ARHGAP24: variants seen among roughly 807,000 people sequenced by gnomAD.
ARHGAP24 encodes rho GTPase-activating protein 24.
Under a neutral mutation model 76.4 loss-of-function variants are expected in ARHGAP24, and 50 were observed. The ratio of observed to expected loss-of-function variants is 0.65; its 90% CI spans 0.52 to 0.83. The LOEUF is 0.83. Ranked by LOEUF, ARHGAP24 falls within the 40% of genes least tolerant of loss-of-function variation. The pLI is 0.00. For missense variants in ARHGAP24, 930 were observed against 914.2 expected (o/e 1.02, Z -0.22); for synonymous variants, 345 against 323.3 (o/e 1.07, Z -0.72).
intron 1 of ARHGAP24, among the ~76,000 whole-genome samples, chr4:85,493,972 G>A (rs1017639261): frequency 1.1e-4 from 16 of 151,978 alleles, no homozygotes; most frequent in African/African-American, 1.7e-4. Flanking sequence ...CTTCCTCATC[G>A]TGAAAAATTT....
chr4:85,755,729 G>T (rs965065862), intron 3 of ARHGAP24, among the ~76,000 whole-genome samples: 28 of 148,582 alleles, frequency 1.9e-4, no homozygotes, highest in Non-Finnish European at 3.7e-4. Context: ...GCCTCCCAGG[G>T]TCAAGTGATT....
chr4:85,763,183 T>G (rs1231475285), intron 3 of ARHGAP24, among the ~76,000 whole-genome samples: 1 of 152,190 alleles, frequency 6.6e-6, no homozygotes, highest in East Asian at 1.9e-4. Flanking sequence ...TGAAAAAGCA[T>G]GAAATATAGC....
At chr4:85,930,221 C>T (rs1047294634) in intron 4 of ARHGAP24, 1 of 984,798 alleles carries the variant, frequency 1.0e-6, no homozygotes, top group African/African-American at 1.7e-5. Context: ...CCCACAGATC[C>T]AAAGAGCCTC....
intron 8 of ARHGAP24, among the ~76,000 whole-genome samples, chr4:85,983,115 G>A (rs1019323503): frequency 1.3e-5 from 2 of 152,024 alleles, no homozygotes; most frequent in African/African-American, 4.8e-5. Flanking sequence ...CCTTTTTATG[G>A]CATGGCTGCA....
intron 3 of ARHGAP24, among the ~76,000 whole-genome samples, chr4:85,843,418 G>A (rs1190363122): frequency 6.6e-6 from 1 of 152,016 alleles, no homozygotes; most frequent in Non-Finnish European, 1.5e-5. Context: ...CAAATAGCAG[G>A]AGAGGCAAAG....
intron 3 of ARHGAP24, among the ~76,000 whole-genome samples, chr4:85,830,273 TC>T (rs1384650962): frequency 6.6e-6 from 1 of 152,168 alleles, no homozygotes; most frequent in Admixed American, 6.5e-5. Context: ...CCAGGGAAAA[TC>T]CTACTTCCCT....
chr4:85,698,136 C>T (rs1247995357), intron 2 of ARHGAP24, among the ~76,000 whole-genome samples: 2 of 152,098 alleles, frequency 1.3e-5, no homozygotes, highest in African/African-American at 4.8e-5. Flanking sequence ...AGGCTTTGTC[C>T]ATTGTGACAA....
intron 2 of ARHGAP24, among the ~76,000 whole-genome samples, chr4:85,701,099 A>G (rs775961985): frequency 3.9e-5 from 6 of 152,248 alleles, no homozygotes; most frequent in Middle Eastern, 3.4e-3. Flanking sequence ...TAATTACAGA[A>G]TTTTTAAAGA....
intron 3 of ARHGAP24, among the ~76,000 whole-genome samples, chr4:85,767,294 C>A (rs1349502478): frequency 1.3e-5 from 2 of 152,154 alleles, no homozygotes; most frequent in East Asian, 3.8e-4. Context: ...AAATGTCTCT[C>A]CAGATTGCAC....
At chr4:85,477,862 T>C (rs778691647) in intron 1 of ARHGAP24, among the ~76,000 whole-genome samples, 2 of 152,182 alleles carry the variant, frequency 1.3e-5, no homozygotes, top group Non-Finnish European at 2.9e-5. Flanking sequence ...TTCCTGTTCT[T>C]AGTGTGTGTG....
chr4:85,490,165 T>C (rs896746136), intron 1 of ARHGAP24, among the ~76,000 whole-genome samples: 2 of 152,160 alleles, frequency 1.3e-5, no homozygotes, highest in Admixed American at 1.3e-4. Flanking sequence ...AGGTAGAATG[T>C]GATAAAATTA....
chr4:85,940,928 A>T (rs2148824407), intron 4 of ARHGAP24, among the ~76,000 whole-genome samples: 1 of 152,334 alleles, frequency 6.6e-6, no homozygotes, highest in African/African-American at 2.4e-5. Context: ...CTGAGTCCAT[A>T]AAGAAATTAT....
intron 8 of ARHGAP24, among the ~76,000 whole-genome samples, chr4:85,994,263 C>A (rs1172383632): frequency 6.6e-6 from 1 of 152,082 alleles, no homozygotes; most frequent in Non-Finnish European, 1.5e-5. Context: ...TGGGATCAAG[C>A]CCTGGGTCTG....
At chr4:85,577,527 T>A (rs1201298451) in intron 2 of ARHGAP24, among the ~76,000 whole-genome samples, 1 of 152,164 alleles carries the variant, frequency 6.6e-6, no homozygotes, top group Non-Finnish European at 1.5e-5. Context: ...CACATCTAAC[T>A]GCAAAGGAGG....
At chr4:85,655,780 T>TAG (rs1320106615) in intron 2 of ARHGAP24, among the ~76,000 whole-genome samples, 4 of 34,652 alleles carry the variant, frequency 1.2e-4, no homozygotes, top group African/African-American at 6.0e-4. Flanking sequence ...TATATATATA[T>TAG]ATATATATAT....
At position 85,809,891 on chromosome 4, in the gene ARHGAP24, G is replaced by C. The variant is rs367797620; in HGVS notation, c.268+87919G>C. ...AAATATAAACTGGGGTCTTCCAAAG[G>C]TATATTTGAAAGCACATGGTCTTTG... On this transcript the variant is annotated intron_variant, in intron 3 of 9. Transcript: ENST00000395184. 5.8e-4 allele frequency among the ~76,000 whole-genome samples: 89 copies of C among 152,212 alleles called. 1 individual carries two copies. Among genetic ancestry groups the C allele is most frequent in the African/African-American group, 2.1e-3 (88 of 41,532 alleles).
intron 2 of ARHGAP24, among the ~76,000 whole-genome samples, chr4:85,626,063 C>A (rs1720942773): frequency 6.6e-6 from 1 of 152,178 alleles, no homozygotes; most frequent in Admixed American, 6.5e-5. Flanking sequence ...ACATTTAGTC[C>A]ATTTACATTT....
intron 8 of ARHGAP24, among the ~76,000 whole-genome samples, chr4:85,983,874 T>A (rs1465675616): frequency 2.6e-5 from 4 of 152,226 alleles, no homozygotes; most frequent in African/African-American, 9.6e-5. Flanking sequence ...CTGATTTATA[T>A]AAAATTAGAT....
chr4:85,853,549 C>T (rs1285052843), intron 3 of ARHGAP24, among the ~76,000 whole-genome samples: 2 of 152,222 alleles, frequency 1.3e-5, no homozygotes, highest in Non-Finnish European at 2.9e-5. Flanking sequence ...AATCACCCAT[C>T]TTCTGCGTCT....
Sources: allele counts gnomAD v4.1 joint callset (sites outside exome capture counted in the v4.1 genomes callset), GRCh38; gene constraint gnomAD v4.1.1; transcripts MANE v1.5; gene names NCBI Gene and HGNC (gene_info 2026-07-23, HGNC 2026-07-21).